Variants in HDLBP observed in about 807,000 individuals in gnomAD.
The protein encoded by HDLBP is high density lipoprotein binding protein, also known as vigilin.
A neutral mutation model predicts 137.3 loss-of-function variants in HDLBP; 30 were observed. That is an observed-to-expected ratio of 0.22 (90% confidence interval 0.16 to 0.30). The LOEUF is 0.30. HDLBP is among the 10% of genes least tolerant of loss of function. The probability of loss-of-function intolerance (pLI) is 1.00; values close to 1 mark genes in which losing one functional copy is unlikely to be tolerated. For synonymous variants in HDLBP, 606 were observed against 596.0 expected (o/e 1.02, Z -0.24); for missense variants, 1,119 against 1,667.3 (o/e 0.67, Z 5.73).
At chr2:241,259,870 A>C (rs1225972735) in intron 5 of HDLBP, among the ~76,000 whole-genome samples, 2 of 152,200 alleles carry the variant, frequency 1.3e-5, no homozygotes, top group African/African-American at 4.8e-5. Context: ...TGGAGACTGG[A>C]GTCTCCAACT....
At chr2:241,299,484 A>T (rs35405610) in intron 1 of HDLBP, among the ~76,000 whole-genome samples, 19,835 of 137,372 alleles carry the variant, frequency 0.14, 1,864 homozygotes, top group Non-Finnish European at 0.21. Context: ...GGCACCACTG[A>T]ACTCCAGCCT....
chr2:241,283,610 G>C (rs1333013714), intron 1 of HDLBP, among the ~76,000 whole-genome samples: 1 of 151,910 alleles, frequency 6.6e-6, no homozygotes, highest in African/African-American at 2.4e-5. Flanking sequence ...GAGTAGCTGG[G>C]ACTACAGGCG....
chr2:241,314,023 G>C (rs1391464407), intron 1 of HDLBP, among the ~76,000 whole-genome samples: 1 of 152,120 alleles, frequency 6.6e-6, no homozygotes, highest in African/African-American at 2.4e-5. Flanking sequence ...TATTTAATGG[G>C]GTTTCAAACG....
chr2:241,233,521 A>G lies in HDLBP; in HGVS notation c.3288+299T>C, dbSNP rs1473404089. Among the ~76,000 whole-genome samples the G allele has an allele frequency of 1.3e-5, 2 of 152,116 alleles. No homozygotes were observed. ...GAGAGGCCCGGGTGACAGGTGAATGAGCTACACCTGGAGGCGCCACTGATC... is the reference window on the plus strand; with the variant it reads ...GAGAGGCCCGGGTGACAGGTGAATGGGCTACACCTGGAGGCGCCACTGATC... On this transcript the variant is annotated intron_variant, in intron 24 of 27. Coordinates refer to ENST00000310931, the MANE Select transcript of HDLBP (RefSeq NM_005336.6). This position sits in a 1 kb window ranked among gnomAD's most constrained non-coding sequence, Gnocchi z 4.3.
chr2:241,308,374 T>C (rs761794604), intron 1 of HDLBP, among the ~76,000 whole-genome samples: 25 of 152,242 alleles, frequency 1.6e-4, no homozygotes, highest in Non-Finnish European at 2.9e-4. Context: ...GAAACTCAAG[T>C]TGTATGCCAA....
rs1363421413 is a variant in HDLBP at position 241,305,950 on chromosome 2, C to CG, written c.-103+9619dup. Among the ~76,000 whole-genome samples the CG allele has an allele frequency of 2.0e-5, 3 of 151,754 alleles. No homozygotes were observed. The East Asian group carries it at 5.9e-4, about 30-fold the overall frequency. On this transcript the variant is annotated intron_variant, in intron 1 of 27. Coordinates refer to ENST00000310931, the MANE Select transcript of HDLBP (RefSeq NM_005336.6). ...TAATTTTTTGTATTTTTAGTAGAGA[C>CG]GGGGTCTCACCGTGTTAGCCAGGAT...
intron 1 of HDLBP, among the ~76,000 whole-genome samples, chr2:241,282,217 G>A (rs765311932): frequency 3.3e-5 from 5 of 152,126 alleles, no homozygotes; most frequent in Non-Finnish European, 7.4e-5. Context: ...ATGGGCAAAA[G>A]ATACAAGCAG....
intron 23 of HDLBP, among the ~76,000 whole-genome samples, chr2:241,234,179 C>CT (rs1156590167): frequency 6.6e-6 from 1 of 152,206 alleles, no homozygotes. Context: ...ACAAGGAGGT[C>CT]TATAAATCCT....
At chr2:241,315,398 G>A (rs2076026863) in intron 1 of HDLBP, 172 bp downstream of exon 1, 1 of 151,954 alleles carries the variant, frequency 6.6e-6, no homozygotes, top group Non-Finnish European at 1.5e-5. Flanking sequence ...CCATCTTCTT[G>A]GAGGACAGGA....
chr2:241,245,172 A>G (rs970238407), intron 16 of HDLBP, among the ~76,000 whole-genome samples: 5 of 151,312 alleles, frequency 3.3e-5, no homozygotes, highest in African/African-American at 1.2e-4. Flanking sequence ...AAATGCAAAC[A>G]TCATAATCTT....
intron 1 of HDLBP, chr2:241,302,663 G>C (rs2075434408): frequency 6.6e-6 from 1 of 152,186 alleles, no homozygotes; most frequent in Non-Finnish European, 1.5e-5. Flanking sequence ...AATGGATCTG[G>C]TCCTTTTGGG....
chr2:241,230,029 A>G lies in HDLBP; in HGVS notation c.3592-68T>C. The G allele has an allele frequency of 6.4e-7, 1 of 1,572,256 alleles. No homozygotes were observed. The highest frequency in any genetic ancestry group is 8.6e-7 in the Non-Finnish European group (1 of 1,156,372). ...CCCCCAGCATCCCGCCCGCCTGCTC[A>G]CCCCTGCACCTCGCCTGCCTCTGGA... On this transcript the variant is annotated intron_variant, in intron 26 of 27. Transcript: ENST00000310931. The surrounding 1 kb of genome is among the most constrained non-coding windows in gnomAD (Gnocchi z 5.0).
At chr2:241,312,741 G>T (rs2075790006) in intron 1 of HDLBP, among the ~76,000 whole-genome samples, 4 of 152,178 alleles carry the variant, frequency 2.6e-5, no homozygotes, top group Admixed American at 2.6e-4. Context: ...ATATCACTTT[G>T]TACTCCAAAA....
chr2:241,262,857 T>C lies in HDLBP; in HGVS notation c.304A>G (p.Lys102Glu), dbSNP rs1221094501. The C allele has an allele frequency of 6.2e-7, 1 of 1,614,222 alleles. No individual in the cohort carries two copies. The highest frequency in any genetic ancestry group is 2.2e-5 in the East Asian group (1 of 44,890). The change falls in exon 5 of 28, where the codon AAA becomes GAA. Residue 102 changes from lysine to glutamate, a missense_variant. Physicochemically the swap from Lys to Glu is moderately conservative, Grantham distance 56 (BLOSUM62 1). Around this residue, in one of 4 missense-constraint regions of HDLBP, gnomAD observed 17 missense variants for 64.3 expected, o/e 0.26. Coordinates refer to ENST00000310931, the MANE Select transcript of HDLBP (RefSeq NM_005336.6). ...MNQFGEGEQA[K>E]ICLEIMQRTG... ...CTCTGCATGATCTCAAGGCAGATTT[T>C]TGCTTGTTCACCTTCTCCAAACTGG... is the stretch of plus-strand genomic sequence containing the variant.
rs2069974817 is a variant in HDLBP, at chr2:241,233,095, C to G, written c.3288+725G>C. Among the ~76,000 whole-genome samples, 1 of 152,142 alleles carries G rather than the reference C, an allele frequency of 6.6e-6. No individual in the cohort carries two copies. The highest frequency in any genetic ancestry group is 1.5e-5 in the Non-Finnish European group (1 of 68,028). Reference sequence around the variant, plus strand: ...CAGGGGGTTTGCTGTTTCTGGAAACCAGCACAACTGTGGCCACCAAGGCTT... The same window carrying G: ...CAGGGGGTTTGCTGTTTCTGGAAACGAGCACAACTGTGGCCACCAAGGCTT... On this transcript the variant is annotated intron_variant, in intron 24 of 27. Transcript: ENST00000310931. The surrounding 1 kb of genome is among the most constrained non-coding windows in gnomAD (Gnocchi z 4.3).
rs1223968426 is a variant in HDLBP, at chr2:241,228,573, G to A, written c.*1028C>T. ...GGGAGAGCGCCAGCCTCCAGCTTAG[G>A]TACACGGCGCCCACCCCCAGCTCCA... On this transcript the variant is annotated 3_prime_UTR_variant, in exon 28 of 28. Transcript: ENST00000310931. 6.6e-6 allele frequency: 1 copy of A among 152,362 alleles called. No individual in the cohort carries two copies. Among genetic ancestry groups the A allele is most frequent in the East Asian group, 1.9e-4 (1 of 5,174 alleles). The allele number at this position is 152,362 out of a possible 1,614,324, so 9.4% of individuals were successfully genotyped here. A position where few individuals can be genotyped will look rare whatever the true frequency, so the allele number is the denominator to read the frequency against.
At position 241,248,498 on chromosome 2, in the gene HDLBP, C is replaced by T. The variant is rs535277804; in HGVS notation, c.1513-150G>A. On this transcript the variant is annotated intron_variant, in intron 12 of 27. Transcript: ENST00000310931. The stretch of plus-strand genomic sequence containing the variant: ...GTGGCACCTCGTAGCACCCCGGGAG[C>T]AACCAGCTGTTAAGAGTGTGCACAG... 9.0e-6 allele frequency: 6 copies of T among 665,162 alleles called. No individual in the cohort carries two copies. In the South Asian group the frequency reaches 1.0e-4, roughly 11 times the overall value. The allele number at this position is 665,162 out of a possible 1,614,324, so 41.2% of individuals were successfully genotyped here.
chr2:241,296,520 T>C (rs2075187727), intron 1 of HDLBP, among the ~76,000 whole-genome samples: 1 of 152,222 alleles, frequency 6.6e-6, no homozygotes, highest in African/African-American at 2.4e-5. Context: ...AAGAATTTTA[T>C]AGAACACTAA....
chr2:241,280,855 A>G (rs886437654), intron 1 of HDLBP, among the ~76,000 whole-genome samples: 7 of 152,186 alleles, frequency 4.6e-5, no homozygotes, highest in African/African-American at 1.7e-4. Flanking sequence ...TAGGTATCTC[A>G]CTGTTTGGGA....
Sources: allele counts gnomAD v4.1 joint callset (sites outside exome capture counted in the v4.1 genomes callset), GRCh38; gene constraint gnomAD v4.1.1; regional missense constraint gnomAD v4.1.1; non-coding constraint Gnocchi (gnomAD v3.1); transcripts MANE v1.5; gene names NCBI Gene and HGNC (gene_info 2026-07-23, HGNC 2026-07-21).